PTPRD: variants seen among roughly 807,000 people sequenced by gnomAD.
PTPRD encodes receptor-type tyrosine-protein phosphatase delta.
Under a neutral mutation model 214.5 loss-of-function variants are expected in PTPRD, and 34 were observed. The ratio of observed to expected loss-of-function variants is 0.16; its 90% CI spans 0.12 to 0.21. PTPRD has a LOEUF of 0.21. Ranked by LOEUF, PTPRD falls within the 10% of genes least tolerant of loss-of-function variation. The probability of loss-of-function intolerance (pLI) is 1.00; values close to 1 mark genes in which losing one functional copy is unlikely to be tolerated. For synonymous variants in PTPRD, 1,128 were observed against 845.7 expected (o/e 1.33, Z -5.79); for missense variants, 2,545 against 2,398.7 (o/e 1.06, Z -1.27).
chr9:9,667,466 T>C (rs2096746023), intron 7 of PTPRD, among the ~76,000 whole-genome samples: 1 of 152,106 alleles, frequency 6.6e-6, no homozygotes, highest in Non-Finnish European at 1.5e-5. Context: ...ATAAAATAGT[T>C]TATGTTCATT....
At chr9:8,327,770 G>C (rs1296622820) in intron 44 of PTPRD, among the ~76,000 whole-genome samples, 1 of 152,104 alleles carries the variant, frequency 6.6e-6, no homozygotes, top group Non-Finnish European at 1.5e-5. Context: ...TTATTGCATT[G>C]ACCTCTGTAC....
chr9:9,400,568 C>T (rs1340771161), intron 8 of PTPRD, among the ~76,000 whole-genome samples: 1 of 151,916 alleles, frequency 6.6e-6, no homozygotes, highest in Non-Finnish European at 1.5e-5. Context: ...CATTCATTTC[C>T]AACCACATCT....
chr9:9,512,627 T>C (rs1462730526), intron 8 of PTPRD, among the ~76,000 whole-genome samples: 1 of 151,864 alleles, frequency 6.6e-6, no homozygotes, highest in Non-Finnish European at 1.5e-5. Flanking sequence ...ATAAAAATCA[T>C]GGCATCTTGT....
At chr9:9,444,177 A>G (rs1435839219) in intron 8 of PTPRD, among the ~76,000 whole-genome samples, 1 of 152,064 alleles carries the variant, frequency 6.6e-6, no homozygotes, top group Non-Finnish European at 1.5e-5. Context: ...TGTTCTTTGG[A>G]TTTCGTGCAT....
intron 11 of PTPRD, among the ~76,000 whole-genome samples, chr9:8,751,324 AAAG>A (rs1304283494): frequency 1.3e-5 from 2 of 152,194 alleles, no homozygotes; most frequent in Admixed American, 1.3e-4. Context: ...TTTCATGTAC[AAAG>A]AAACGGTCAG....
chr9:10,009,987 A>T (rs2096563554), intron 4 of PTPRD, among the ~76,000 whole-genome samples: 1 of 151,836 alleles, frequency 6.6e-6, no homozygotes, highest in Admixed American at 6.6e-5. Flanking sequence ...TCATGGCCTG[A>T]ATTAGCTTTT....
intron 3 of PTPRD, among the ~76,000 whole-genome samples, chr9:10,266,065 C>T (rs1220826096): frequency 6.6e-6 from 1 of 152,012 alleles, no homozygotes; most frequent in Non-Finnish European, 1.5e-5. Context: ...TCACGCAATA[C>T]CTTTTTCATG....
At chr9:8,677,303 CTG>C (rs1477251981) in intron 12 of PTPRD, among the ~76,000 whole-genome samples, 1 of 152,168 alleles carries the variant, frequency 6.6e-6, no homozygotes, top group Non-Finnish European at 1.5e-5. Context: ...GATAAATACA[CTG>C]TGGTATATAT....
At chr9:10,132,877 C>A (rs1475626701) in intron 3 of PTPRD, among the ~76,000 whole-genome samples, 4 of 152,112 alleles carry the variant, frequency 2.6e-5, no homozygotes, top group African/African-American at 9.7e-5. Flanking sequence ...GGTGTTTATG[C>A]CCTTATGCAA....
chr9:10,332,253 G>A (rs759552309), intron 3 of PTPRD, among the ~76,000 whole-genome samples: 14 of 151,786 alleles, frequency 9.2e-5, no homozygotes, highest in Non-Finnish European at 1.6e-4. Context: ...AATACCATGA[G>A]AGATGTCAGG....
At chr9:9,402,986 A>C (rs1440055656) in intron 8 of PTPRD, among the ~76,000 whole-genome samples, 5 of 147,002 alleles carry the variant, frequency 3.4e-5, no homozygotes, top group Non-Finnish European at 6.0e-5. Flanking sequence ...AAAAAAAAAA[A>C]AAACACCAAA....
Position 8,457,194 on chromosome 9 carries a change from T to C in PTPRD, c.3875+3217A>G, listed in dbSNP as rs1007035837. 4.6e-5 allele frequency among the ~76,000 whole-genome samples: 7 copies of C among 152,132 alleles called. No homozygotes were observed. The East Asian group carries it at 7.7e-4, about 17-fold the overall frequency. The stretch of plus-strand genomic sequence containing the variant: ...AATGAAGAAATGTAGGCTCAGAGTG[T>C]TGGCATGAATTTCTACCCCATGCAA... On this transcript the variant is annotated intron_variant, in intron 33 of 45. Transcript: ENST00000381196.
chr9:10,188,033 A>G (rs938825383), intron 3 of PTPRD, among the ~76,000 whole-genome samples: 2 of 152,196 alleles, frequency 1.3e-5, no homozygotes, highest in African/African-American at 4.8e-5. Flanking sequence ...CTTTCTGGCA[A>G]CACTTTAATA....
intron 5 of PTPRD, among the ~76,000 whole-genome samples, chr9:9,839,213 AG>A (rs2057664806): frequency 6.6e-6 from 1 of 152,270 alleles, no homozygotes; most frequent in South Asian, 2.1e-4. Flanking sequence ...ACAATTAGGC[AG>A]GAGAAGGAAA....
intron 11 of PTPRD, among the ~76,000 whole-genome samples, chr9:8,810,114 A>G (rs1363625432): frequency 2.0e-5 from 3 of 152,226 alleles, no homozygotes; most frequent in Non-Finnish European, 4.4e-5. Flanking sequence ...GGCTGTTTGT[A>G]TAACAATCCA....
intron 8 of PTPRD, among the ~76,000 whole-genome samples, chr9:9,415,106 C>A (rs1278772479): frequency 1.3e-5 from 2 of 152,112 alleles, no homozygotes; most frequent in Admixed American, 1.3e-4. Flanking sequence ...CAGTCTTGCT[C>A]AGATAGCAAT....
intron 7 of PTPRD, among the ~76,000 whole-genome samples, chr9:9,596,423 C>G (rs1051014123): frequency 2.0e-5 from 3 of 151,926 alleles, no homozygotes; most frequent in Non-Finnish European, 2.9e-5. Context: ...CGATATTATA[C>G]TGAATTATTT....
intron 44 of PTPRD, among the ~76,000 whole-genome samples, chr9:8,325,015 A>G (rs970384844): frequency 1.3e-5 from 2 of 151,910 alleles, no homozygotes; most frequent in African/African-American, 2.4e-5. Context: ...TCAGATGGAT[A>G]GATAGCAAAA....
At chr9:9,755,403 T>C (rs950227807) in intron 6 of PTPRD, among the ~76,000 whole-genome samples, 1 of 152,074 alleles carries the variant, frequency 6.6e-6, no homozygotes, top group Non-Finnish European at 1.5e-5. Context: ...TTGTTGTCTG[T>C]TACCACGGTT....
Sources: gnomAD v4.1 joint callset for allele counts (sites outside exome capture counted in the v4.1 genomes callset) on GRCh38, gnomAD v4.1.1 for gene constraint, MANE v1.5 for transcripts, NCBI Gene and HGNC (gene_info 2026-07-23, HGNC 2026-07-21) for gene names.